The following RTF2 variants were observed in gnomAD, a reference collection of about 807,000 sequenced individuals.
The protein encoded by RTF2 is replication termination factor 2.
In RTF2, 18 loss-of-function variants were observed where a neutral mutation model predicts 38.0. The observed-to-expected ratio is 0.47, with a 90% CI of 0.33 to 0.70. RTF2 has a LOEUF of 0.70. Among genes scored for constraint, RTF2 ranks in the 30% least tolerant of loss-of-function variants. RTF2 has a pLI of 0.02. For missense variants in RTF2, 311 were observed against 379.6 expected (o/e 0.82, Z 1.50); for synonymous variants, 126 against 137.1 (o/e 0.92, Z 0.57).
chr20:56,479,751 C>G (rs1187254059), intron 4 of RTF2, among the ~76,000 whole-genome samples: 1 of 151,970 alleles, frequency 6.6e-6, no homozygotes, highest in African/African-American at 2.4e-5. Context: ...TAATCTTGTA[C>G]ATCTCCATCA....
chr20:56,477,894 C>T (rs1226803403), intron 4 of RTF2, among the ~76,000 whole-genome samples: 2 of 152,206 alleles, frequency 1.3e-5, no homozygotes, highest in South Asian at 4.1e-4. Flanking sequence ...GGTAATTTGC[C>T]TTGAATTTGT....
At position 56,473,371 on chromosome 20, in the gene RTF2, C is replaced by T; in HGVS notation, c.140C>T (p.Pro47Leu). ...CTLSQEILRR[P>L]IVACELGRLY... ...CTAAGTCAGGAAATATTAAGACGAC[C>T]AATAGTTGCCTGTGAACTTGGCAGG... Residue 47 changes from proline (P) to leucine (L), a missense_variant, in exon 2 of 9, where the codon CCA becomes CTA. Physicochemically the swap from Pro to Leu is moderately conservative, Grantham distance 98. Transcript: ENST00000357348. The T allele has an allele frequency of 6.2e-7, 1 of 1,612,512 alleles. No homozygotes were observed. Among genetic ancestry groups the T allele is most frequent in the Non-Finnish European group, 8.5e-7 (1 of 1,178,732 alleles).
intron 5 of RTF2, among the ~76,000 whole-genome samples, chr20:56,511,188 C>T (rs1366219037): frequency 6.6e-6 from 1 of 152,006 alleles, no homozygotes. Flanking sequence ...TCACAGGTCC[C>T]CAACCCCCAT....
chr20:56,491,976 G>T (rs755080759), intron 5 of RTF2, among the ~76,000 whole-genome samples: 1 of 152,058 alleles, frequency 6.6e-6, no homozygotes, highest in Non-Finnish European at 1.5e-5. Context: ...GTGGAAAGGC[G>T]CACTTTCATT....
Position 56,485,481 on chromosome 20 carries a change from G to C in RTF2, c.477+1292G>C, listed in dbSNP as rs567978384. On this transcript the variant is annotated intron_variant, in intron 5 of 8. Transcript: ENST00000357348. ...AGCAGCAGGAAGCCAGAAGGCAGCTGTAAGCCGGATGGGATGTGCATTAAT... is the reference window on the plus strand; with the variant it reads ...AGCAGCAGGAAGCCAGAAGGCAGCTCTAAGCCGGATGGGATGTGCATTAAT... 3.3e-5 allele frequency among the ~76,000 whole-genome samples: 5 copies of C among 152,320 alleles called. No individual in the cohort carries two copies. The East Asian group carries it at 9.6e-4, about 29-fold the overall frequency.
chr20:56,513,431 A>G lies in RTF2; in HGVS notation c.591+3A>G. On this transcript the variant is annotated splice_donor_region_variant and intron_variant, in intron 6 of 8. Transcript: ENST00000357348. ...GGCTGAGAGCGAAGCTGGAAAAGGTAATGGGAGTCTTCAGGTTCCGCCCAG... is the reference window on the plus strand; with the variant it reads ...GGCTGAGAGCGAAGCTGGAAAAGGTGATGGGAGTCTTCAGGTTCCGCCCAG... 6.3e-7 allele frequency: 1 copy of G among 1,583,284 alleles called. No homozygotes were observed. Among genetic ancestry groups the G allele is most frequent in the South Asian group, 1.2e-5 (1 of 86,334 alleles).
At chr20:56,491,852 G>T in intron 5 of RTF2, 3 of 1,192,204 alleles carry the variant, frequency 2.5e-6, no homozygotes, top group Non-Finnish European at 3.6e-6. Context: ...CACAGAAAGT[G>T]GCGCATGCTC....
At chr20:56,473,747 G>T (rs1202750785) in intron 2 of RTF2, among the ~76,000 whole-genome samples, 1 of 152,124 alleles carries the variant, frequency 6.6e-6, no homozygotes, top group Non-Finnish European at 1.5e-5. Context: ...CCAGGCACCT[G>T]GTGGCTGGCA....
chr20:56,482,932 C>T (rs779162076), intron 4 of RTF2, among the ~76,000 whole-genome samples: 21 of 152,284 alleles, frequency 1.4e-4, no homozygotes, highest in Non-Finnish European at 2.6e-4. Context: ...ACGTAGAAAT[C>T]GACACGTATT....
At chr20:56,517,081 T>C (rs771817413) in intron 7 of RTF2, 25 bp from the exon 8 acceptor site, 1 of 1,613,326 alleles carries the variant, frequency 6.2e-7, no homozygotes, top group Non-Finnish European at 8.5e-7. Flanking sequence ...TTGTTTTTGC[T>C]TTGCCTACTT....
chr20:56,470,208 A>G (rs1283859254), intron 1 of RTF2, among the ~76,000 whole-genome samples: 4 of 152,230 alleles, frequency 2.6e-5, no homozygotes, highest in African/African-American at 4.8e-5. Context: ...ATTAGCATTC[A>G]TGAGTGGTTT....
At chr20:56,496,911 C>A in intron 5 of RTF2, 2 of 1,551,604 alleles carry the variant, frequency 1.3e-6, no homozygotes, top group Non-Finnish European at 1.7e-6. Context: ...TTGGATTACT[C>A]CAGGAGTAAT....
At chr20:56,500,230 T>C (rs937725148) in intron 5 of RTF2, among the ~76,000 whole-genome samples, 9 of 152,184 alleles carry the variant, frequency 5.9e-5, no homozygotes, top group Non-Finnish European at 1.3e-4. Context: ...AATTTTGTAT[T>C]TTTGGTAGAG....
chr20:56,470,831 G>C, intron 1 of RTF2: 1 of 363,188 alleles, frequency 2.8e-6, no homozygotes, highest in South Asian at 2.0e-5. Context: ...TGCCAGGAGA[G>C]TTACCCCAAC....
chr20:56,496,554 A>G (rs988630019), intron 5 of RTF2: 17 of 1,375,244 alleles, frequency 1.2e-5, no homozygotes, highest in Non-Finnish European at 1.6e-5. Flanking sequence ...TCTCAAAATC[A>G]GTCAGTCAAT....
intron 5 of RTF2, chr20:56,497,159 A>T (rs552273381): frequency 6.4e-7 from 1 of 1,551,446 alleles, no homozygotes; most frequent in African/African-American, 1.4e-5. Flanking sequence ...CAGCAGTCTT[A>T]TACTTCATTG....
intron 5 of RTF2, among the ~76,000 whole-genome samples, chr20:56,507,273 C>T (rs1357129729): frequency 6.6e-6 from 1 of 152,072 alleles, no homozygotes; most frequent in Non-Finnish European, 1.5e-5. Context: ...CCCTTGTTTT[C>T]CCTCATCCTT....
intron 5 of RTF2, among the ~76,000 whole-genome samples, chr20:56,501,155 A>G (rs146711429): frequency 0.013 from 1,965 of 152,102 alleles, 53 homozygotes; most frequent in African/African-American, 0.045. Context: ...CATAACATCT[A>G]GTGGGTAATA....
At chr20:56,510,115 G>T (rs1984549246) in intron 5 of RTF2, among the ~76,000 whole-genome samples, 1 of 152,174 alleles carries the variant, frequency 6.6e-6, no homozygotes, top group Non-Finnish European at 1.5e-5. Flanking sequence ...GTGAGTGCCA[G>T]TGGGTATGGG....
Sources: allele counts gnomAD v4.1 joint callset (sites outside exome capture counted in the v4.1 genomes callset), GRCh38; gene constraint gnomAD v4.1.1; transcripts MANE v1.5; gene names NCBI Gene and HGNC (gene_info 2026-07-23, HGNC 2026-07-21).